The following FHIT variants were observed in gnomAD, a reference collection of about 807,000 sequenced individuals.
The protein encoded by FHIT is bis(5'-adenosyl)-triphosphatase.
A neutral mutation model predicts 17.9 loss-of-function variants in FHIT; 19 were observed. That is an observed-to-expected ratio of 1.06 (90% CI 0.74 to 1.56). The LOEUF is 1.56. Ranked by LOEUF, FHIT falls within the 40% of genes most tolerant of loss-of-function variation. The probability of loss-of-function intolerance (pLI) is 0.00; values close to 1 mark genes in which losing one functional copy is unlikely to be tolerated. For missense variants in FHIT, 248 were observed against 189.2 expected, an observed-to-expected ratio of 1.31 and a Z score of -1.82; for synonymous variants, 81 against 69.7, an observed-to-expected ratio of 1.16 and a Z score of -0.81.
chr3:60,717,784 C>T (rs934335801), intron 4 of FHIT, among the ~76,000 whole-genome samples: 1 of 152,150 alleles, frequency 6.6e-6, no homozygotes, highest in African/African-American at 2.4e-5. Flanking sequence ...ACCTGAGCAT[C>T]TGTATTTTCA....
At chr3:59,911,781 T>C (rs1474370660) in intron 8 of FHIT, among the ~76,000 whole-genome samples, 1 of 152,146 alleles carries the variant, frequency 6.6e-6, no homozygotes, top group Non-Finnish European at 1.5e-5. Context: ...TTGCAGCTGA[T>C]AAAGGAAAGC....
intron 5 of FHIT, among the ~76,000 whole-genome samples, chr3:60,359,076 G>T (rs1025831684): frequency 1.3e-5 from 2 of 152,006 alleles, no homozygotes; most frequent in African/African-American, 4.8e-5. Flanking sequence ...AATACAGCAG[G>T]TATTCCAGAA....
chr3:59,905,138 C>G (rs1704526822), intron 8 of FHIT, among the ~76,000 whole-genome samples: 2 of 152,306 alleles, frequency 1.3e-5, no homozygotes, highest in East Asian at 1.9e-4. Context: ...CATTTGCCTG[C>G]CTCCTGTTGC....
At chr3:60,580,836 T>A (rs1014091501) in intron 4 of FHIT, among the ~76,000 whole-genome samples, 14 of 152,052 alleles carry the variant, frequency 9.2e-5, no homozygotes, top group Non-Finnish European at 2.9e-5. Flanking sequence ...TGGAGTGCCA[T>A]GATTGATGAG....
At position 61,229,258 on chromosome 3, in the gene FHIT, C is replaced by T. The variant is rs542590672; in HGVS notation, c.-213+22043G>A. ...CAAAAGAAAGGCAGATGCAGACAGA[C>T]AGAAAAGAAGAAGATATAGAAGAGA... On this transcript the variant is annotated intron_variant, in intron 1 of 9. Coordinates refer to ENST00000492590, the MANE Select transcript of FHIT (RefSeq NM_002012.4). 7.5e-4 allele frequency among the ~76,000 whole-genome samples: 114 copies of T among 152,182 alleles called. 2 individuals carry two copies. Among genetic ancestry groups the T allele is most frequent in the Non-Finnish European group, 3.1e-4 (21 of 67,992 alleles).
chr3:60,261,229 C>T (rs1051900316), intron 5 of FHIT, among the ~76,000 whole-genome samples: 1 of 152,040 alleles, frequency 6.6e-6, no homozygotes, highest in East Asian at 1.9e-4. Context: ...ACTCTGAATT[C>T]TTCCTTGCAT....
At chr3:61,087,963 G>A (rs1033604710) in intron 2 of FHIT, among the ~76,000 whole-genome samples, 1 of 152,024 alleles carries the variant, frequency 6.6e-6, no homozygotes, top group African/African-American at 2.4e-5. Flanking sequence ...TAGCTTCAGA[G>A]AACTGAGAGG....
chr3:60,403,337 G>A (rs910880488), intron 5 of FHIT, among the ~76,000 whole-genome samples: 6 of 152,152 alleles, frequency 3.9e-5, no homozygotes, highest in African/African-American at 1.4e-4. Flanking sequence ...ACTATGCAGT[G>A]CTTAACCTCC....
intron 5 of FHIT, among the ~76,000 whole-genome samples, chr3:60,343,694 T>A (rs918285353): frequency 6.6e-6 from 1 of 152,200 alleles, no homozygotes. Flanking sequence ...AATATCACTA[T>A]CTATAGTAGA....
intron 8 of FHIT, among the ~76,000 whole-genome samples, chr3:59,879,290 T>C (rs1703299789): frequency 6.6e-6 from 1 of 152,228 alleles, no homozygotes; most frequent in Non-Finnish European, 1.5e-5. Context: ...GTCAGTGAGA[T>C]GGATCTCTGA....
At chr3:60,140,265 TA>T (rs1181779018) in intron 5 of FHIT, among the ~76,000 whole-genome samples, 1 of 152,168 alleles carries the variant, frequency 6.6e-6, no homozygotes, top group East Asian at 1.9e-4. Flanking sequence ...ATTCTGATGA[TA>T]GTGCCTCAAT....
rs140023061 is a variant in FHIT at position 59,776,693 on chromosome 3, C to A, written c.349-24372G>T. ...AACATAAACCAGATCAAATGATTCTCCCCTTCAATAATAATCAGAGCTGAC... is the reference window on the plus strand; with the variant it reads ...AACATAAACCAGATCAAATGATTCTACCCTTCAATAATAATCAGAGCTGAC... On this transcript the variant is annotated intron_variant, in intron 8 of 9. Coordinates refer to ENST00000492590, the MANE Select transcript of FHIT (RefSeq NM_002012.4). 2.4e-3 allele frequency among the ~76,000 whole-genome samples: 359 copies of A among 152,308 alleles called. 2 individuals carry two copies. Among genetic ancestry groups the A allele is most frequent in the Non-Finnish European group, 4.2e-3 (284 of 68,030 alleles).
At chr3:59,910,571 T>G (rs192943347) in intron 8 of FHIT, among the ~76,000 whole-genome samples, 10 of 152,314 alleles carry the variant, frequency 6.6e-5, no homozygotes, top group Non-Finnish European at 1.3e-4. Flanking sequence ...CTAGGATGGC[T>G]TATTCCTAGA....
intron 5 of FHIT, among the ~76,000 whole-genome samples, chr3:60,475,399 T>A (rs1417614787): frequency 2.0e-5 from 3 of 152,198 alleles, no homozygotes; most frequent in Non-Finnish European, 4.4e-5. Flanking sequence ...AATCTCAACA[T>A]AAACAGAAAA....
chr3:60,455,601 C>T (rs1419739132), intron 5 of FHIT, among the ~76,000 whole-genome samples: 3 of 152,024 alleles, frequency 2.0e-5, no homozygotes, highest in Admixed American at 2.0e-4. Flanking sequence ...TGGATATTAT[C>T]AGGATTCCTA....
At chr3:60,113,478 G>T (rs1314697922) in intron 5 of FHIT, among the ~76,000 whole-genome samples, 1 of 151,732 alleles carries the variant, frequency 6.6e-6, no homozygotes, top group African/African-American at 2.4e-5. Context: ...TTAGTCTTTT[G>T]GGATTCAGTG....
rs998077409 is a variant in FHIT at position 61,083,627 on chromosome 3, C to A, written c.-163-41528G>T. ...AAAGAAACCTTATACCTACTAGCTGCCACTCCCTATTCCTCCCAACACCTT... is the reference window on the plus strand; with the variant it reads ...AAAGAAACCTTATACCTACTAGCTGACACTCCCTATTCCTCCCAACACCTT... On this transcript the variant is annotated intron_variant, in intron 2 of 9. Coordinates refer to ENST00000492590, the MANE Select transcript of FHIT (RefSeq NM_002012.4). Among the ~76,000 whole-genome samples the A allele has an allele frequency of 7.9e-5, 12 of 152,142 alleles. 1 individual carries two copies. The highest frequency in any genetic ancestry group is 7.9e-4 in the Admixed American group (12 of 15,276).
chr3:60,441,162 G>C (rs963940911), intron 5 of FHIT, among the ~76,000 whole-genome samples: 1 of 151,890 alleles, frequency 6.6e-6, no homozygotes. Context: ...TTAAAAAAAA[G>C]GCCATTTTAC....
intron 5 of FHIT, among the ~76,000 whole-genome samples, chr3:60,059,380 G>C (rs1331739038): frequency 6.6e-6 from 1 of 152,154 alleles, no homozygotes; most frequent in African/African-American, 2.4e-5. Context: ...CCACATGTTA[G>C]CAGGCCACAC....
Sources: allele counts gnomAD v4.1 joint callset (sites outside exome capture counted in the v4.1 genomes callset), GRCh38; gene constraint gnomAD v4.1.1; transcripts MANE v1.5; gene names NCBI Gene and HGNC (gene_info 2026-07-23, HGNC 2026-07-21).